POLB: variants seen among roughly 807,000 people sequenced by gnomAD.
The protein encoded by POLB is 5'-dRP lyase.
Under a neutral mutation model 52.7 loss-of-function variants are expected in POLB, and 37 were observed. The observed-to-expected ratio is 0.70, with a 90% CI of 0.54 to 0.92. The LOEUF (loss-of-function observed/expected upper bound fraction) is 0.92, where lower values mean the gene tolerates loss of function less well. Ranked by LOEUF, POLB falls within the 40% of genes least tolerant of loss-of-function variation. The pLI, the probability that POLB is intolerant of heterozygous loss-of-function variation, is 0.00. For synonymous variants in POLB, 138 were observed against 131.3 expected (o/e 1.05, Z -0.35); for missense variants, 313 against 400.8 (o/e 0.78, Z 1.87).
At chr8:42,359,840 A>C (rs1823565847) in intron 9 of POLB, among the ~76,000 whole-genome samples, 1 of 151,988 alleles carries the variant, frequency 6.6e-6, no homozygotes, top group African/African-American at 2.4e-5. Context: ...CGGACAGTGA[A>C]AGACATCCAG....
rs373916655 is a variant in POLB at position 42,365,927 on chromosome 8, C to T, written c.708+3229C>T. 1.2e-4 allele frequency among the ~76,000 whole-genome samples: 18 copies of T among 152,004 alleles called. No individual in the cohort carries two copies. The East Asian group carries it at 2.5e-3, about 21-fold the overall frequency. ...CCAGCCTGGCCAACATGGTGAAACC[C>T]CATCTCTACTAAAAATACAAAAATT... is the stretch of plus-strand genomic sequence containing the variant. On this transcript the variant is annotated intron_variant, in intron 11 of 13. Coordinates refer to ENST00000265421, the MANE Select transcript of POLB (RefSeq NM_002690.3).
chr8:42,343,365 T>C (rs1481120131), intron 2 of POLB, among the ~76,000 whole-genome samples: 5 of 50,578 alleles, frequency 9.9e-5, no homozygotes, highest in Admixed American at 3.4e-4. Context: ...TATATATATA[T>C]ATATACACAA....
chr8:42,362,019 T>C (rs2130839165), intron 10 of POLB, among the ~76,000 whole-genome samples: 1 of 152,264 alleles, frequency 6.6e-6, no homozygotes, highest in African/African-American at 2.4e-5. Flanking sequence ...TCACAACACT[T>C]TGGGAGGCCA....
intron 1 of POLB, 54 bp downstream of exon 1, chr8:42,338,739 C>G (rs1372021352): frequency 2.0e-6 from 3 of 1,529,304 alleles, no homozygotes; most frequent in African/African-American, 2.7e-5. Context: ...AGCCTCTTCC[C>G]CTGCCTTCCT....
In POLB at chr8:42,369,280, C is replaced by T; in HGVS notation, c.718C>T (p.Gln240Ter). ...KGETKFMGVC[Q>*]LPSKNDEKEY... ...AAAATGTTCATTTTAGGGTGTTTGC[C>T]AGCTTCCCAGTAAAAATGATGAAAA... Residue 240 changes from glutamine to a stop codon, truncating the protein, a stop_gained, in exon 12 of 14, where the codon CAG becomes TAG. Coordinates refer to ENST00000265421, the MANE Select transcript of POLB (RefSeq NM_002690.3). LOFTEE classifies it high-confidence loss of function. The T allele has an allele frequency of 6.4e-7, 1 of 1,573,246 alleles. No individual in the cohort carries two copies. The highest frequency in any genetic ancestry group is 8.7e-7 in the Non-Finnish European group (1 of 1,144,556).
At chr8:42,354,579 CTCT>C in intron 6 of POLB, 2 of 638,292 alleles carry the variant, frequency 3.1e-6, no homozygotes, top group African/African-American at 1.9e-5. Flanking sequence ...CACAGTCTTG[CTCT>C]GTCTGCCCAG....
intron 7 of POLB, 45 bp from the exon 8 acceptor site, chr8:42,357,124 T>C (rs1479866533): frequency 9.5e-7 from 1 of 1,052,660 alleles, no homozygotes; most frequent in Admixed American, 2.0e-5. Flanking sequence ...TTAAGGAGAT[T>C]TAAATTTTAC....
In POLB at chr8:42,349,052, G is replaced by T. The variant is rs1391403774; in HGVS notation, c.223G>T (p.Glu75Ter). ...VGTKIAEKID[E>*]FLATGKLRKL... The stretch of plus-strand genomic sequence containing the variant: ...AACAAAAATTGCTGAAAAGATTGAT[G>T]AGTTTTTAGCAACTGGAAAATTACG... Residue 75 changes from glutamate to a stop codon, truncating the protein, a stop_gained, in exon 4 of 14, where the codon GAG becomes TAG. Coordinates refer to ENST00000265421, the MANE Select transcript of POLB (RefSeq NM_002690.3). LOFTEE classifies it high-confidence loss of function. 3 of 1,605,956 alleles carry T rather than the reference G, an allele frequency of 1.9e-6. No individual in the cohort carries two copies. Among genetic ancestry groups the T allele is most frequent in the Non-Finnish European group, 1.7e-6 (2 of 1,174,122 alleles).
rs948719736 is a variant in POLB at position 42,371,780 on chromosome 8, T to C, written c.*123T>C. On this transcript the variant is annotated 3_prime_UTR_variant, in exon 14 of 14. Coordinates refer to ENST00000265421, the MANE Select transcript of POLB (RefSeq NM_002690.3). ...TTCTTCTTCATGCTTTTGCTTGCAATGTAGTCAATAAAACCTCATGTACTA... is the reference window on the plus strand; with the variant it reads ...TTCTTCTTCATGCTTTTGCTTGCAACGTAGTCAATAAAACCTCATGTACTA... 6.0e-5 allele frequency: 39 copies of C among 653,130 alleles called. No individual in the cohort carries two copies. Among genetic ancestry groups the C allele is most frequent in the Non-Finnish European group, 1.1e-4 (39 of 352,358 alleles). The allele number at this position is 653,130 out of a possible 1,614,324, so 40.5% of individuals were successfully genotyped here.
At chr8:42,359,579 G>A (rs1823548473) in intron 9 of POLB, among the ~76,000 whole-genome samples, 2 of 143,720 alleles carry the variant, frequency 1.4e-5, no homozygotes, top group African/African-American at 5.2e-5. Flanking sequence ...TGCCTGGGCT[G>A]GTCTCAAACT....
chr8:42,362,775 C>T (rs1823783585), intron 11 of POLB, 77 bp downstream of exon 11: 4 of 744,690 alleles, frequency 5.4e-6, no homozygotes, highest in East Asian at 5.2e-5. Flanking sequence ...TGTGTGACTT[C>T]ATGGTAGCTT....
At chr8:42,370,293 T>G in intron 13 of POLB, 1 of 434,592 alleles carries the variant, frequency 2.3e-6, no homozygotes, top group Admixed American at 3.3e-5. Context: ...TTGCTGTTGT[T>G]TAATGTACCT....
At position 42,355,678 on chromosome 8, in the gene POLB, T is replaced by C. The variant is rs1823268471; in HGVS notation, c.422+111T>C. ...AAACTTAGCTAAACCACAACCATTT[T>C]CCTATTCAGAAGTGCTAAGATTTGT... On this transcript the variant is annotated intron_variant, in intron 7 of 13. Transcript: ENST00000265421. 7 of 652,286 alleles carry C rather than the reference T, an allele frequency of 1.1e-5. No individual in the cohort carries two copies. In the South Asian group the frequency reaches 1.3e-4, roughly 12 times the overall value. 40.4% of individuals were successfully genotyped at this position (652,286 alleles called of 1,614,324 possible).
chr8:42,348,926 G>A, intron 3 of POLB, 90 bp from the exon 4 acceptor site: 1 of 699,010 alleles, frequency 1.4e-6, no homozygotes, highest in South Asian at 2.0e-5. Flanking sequence ...GTATTCATTT[G>A]TTTTTCATTT....
intron 2 of POLB, among the ~76,000 whole-genome samples, chr8:42,343,369 T>TATATATATATATATATACAC (rs761101423): frequency 9.9e-4 from 36 of 36,298 alleles, no homozygotes; most frequent in Non-Finnish European, 1.9e-3. Flanking sequence ...TATATATATA[T>TATATATATATATATATACAC]ACACAAAATT....
chr8:42,355,631 T>C lies in POLB; in HGVS notation c.422+64T>C, dbSNP rs564069381. The C allele has an allele frequency of 3.0e-4, 285 of 947,972 alleles. No individual in the cohort carries two copies. The African/African-American group carries it at 4.0e-3, about 13-fold the overall frequency. The allele number at this position is 947,972 out of a possible 1,614,324, so 58.7% of individuals were successfully genotyped here. A position where few individuals can be genotyped will look rare whatever the true frequency, so the allele number is the denominator to read the frequency against. On this transcript the variant is annotated intron_variant, in intron 7 of 13. Transcript: ENST00000265421. ...AAGTAAATTTTTTATAGACATTCTTTTATACACCAGAAGGACTCTTCAAAC... is the reference window on the plus strand; with the variant it reads ...AAGTAAATTTTTTATAGACATTCTTCTATACACCAGAAGGACTCTTCAAAC...
At chr8:42,351,702 T>C (rs1822986092) in intron 5 of POLB, among the ~76,000 whole-genome samples, 1 of 152,260 alleles carries the variant, frequency 6.6e-6, no homozygotes, top group Admixed American at 6.5e-5. Flanking sequence ...TTCTGATTTA[T>C]TTATATGAAT....
chr8:42,338,591 C>G lies in POLB; in HGVS notation c.-34C>G. On this transcript the variant is annotated 5_prime_UTR_variant, in exon 1 of 14. Coordinates refer to ENST00000265421, the MANE Select transcript of POLB (RefSeq NM_002690.3). ...TGGGAGAGGGCTCTAGTCCCTGGTT[C>G]TGAACACTCTGGGGTTCTCGGGTGC... 1 of 1,603,348 alleles carries G rather than the reference C, an allele frequency of 6.2e-7. No individual in the cohort carries two copies. Among genetic ancestry groups the G allele is most frequent in the Non-Finnish European group, 8.5e-7 (1 of 1,170,084 alleles).
chr8:42,354,524 A>G (rs1823178067), intron 6 of POLB: 28 of 1,150,772 alleles, frequency 2.4e-5, no homozygotes, highest in Non-Finnish European at 3.2e-5. Flanking sequence ...AAATGCAGGT[A>G]CAGTAATAAT....
Sources: gnomAD v4.1 joint callset for allele counts (sites outside exome capture counted in the v4.1 genomes callset) on GRCh38, gnomAD v4.1.1 for gene constraint, MANE v1.5 for transcripts, NCBI Gene and HGNC (gene_info 2026-07-23, HGNC 2026-07-21) for gene names.